The following GALNTL6 variants were observed in gnomAD, a reference collection of about 807,000 sequenced individuals.
The protein encoded by GALNTL6 is polypeptide N-acetylgalactosaminyltransferase like 6.
Under a neutral mutation model 73.7 loss-of-function variants are expected in GALNTL6, and 46 were observed. That is an observed-to-expected ratio of 0.62 (90% CI 0.49 to 0.80). The LOEUF is 0.80. GALNTL6 is among the 30% of genes least tolerant of loss of function. The pLI, the probability that GALNTL6 is intolerant of heterozygous loss-of-function variation, is 0.00. For missense variants in GALNTL6, 604 were observed against 755.0 expected (o/e 0.80, Z 2.34); for synonymous variants, 259 against 263.7 (o/e 0.98, Z 0.17).
intron 3 of GALNTL6, among the ~76,000 whole-genome samples, chr4:172,293,287 A>G (rs762398534): frequency 3.7e-4 from 57 of 152,104 alleles, no homozygotes; most frequent in Non-Finnish European, 5.6e-4. Flanking sequence ...TACTTAGTGA[A>G]TAAGAATTCA....
chr4:171,874,432 T>A (rs1006861070), intron 2 of GALNTL6, among the ~76,000 whole-genome samples: 1 of 152,112 alleles, frequency 6.6e-6, no homozygotes, highest in Non-Finnish European at 1.5e-5. Context: ...TCAAATGACC[T>A]GTCCATCTCG....
At chr4:172,715,984 G>T (rs1422579935) in intron 5 of GALNTL6, among the ~76,000 whole-genome samples, 1 of 152,206 alleles carries the variant, frequency 6.6e-6, no homozygotes, top group Non-Finnish European at 1.5e-5. Flanking sequence ...CTGGCGTTCA[G>T]ATGCTGTGAA....
chr4:172,748,178 A>G (rs1420611255), intron 5 of GALNTL6, among the ~76,000 whole-genome samples: 1 of 152,218 alleles, frequency 6.6e-6, no homozygotes, highest in African/African-American at 2.4e-5. Flanking sequence ...AACAAGTAAG[A>G]TAATTATTAC....
chr4:172,206,120 A>G (rs1736102260), intron 2 of GALNTL6, among the ~76,000 whole-genome samples: 1 of 152,192 alleles, frequency 6.6e-6, no homozygotes, highest in Non-Finnish European at 1.5e-5. Context: ...AATAAAATGA[A>G]CTAATTTCTA....
intron 5 of GALNTL6, among the ~76,000 whole-genome samples, chr4:172,394,940 A>G (rs1264476929): frequency 6.6e-6 from 1 of 152,130 alleles, no homozygotes; most frequent in African/African-American, 2.4e-5. Flanking sequence ...TATTAAGTTT[A>G]CTCATCAGCT....
chr4:171,837,634 A>G (rs1473916940), intron 2 of GALNTL6, among the ~76,000 whole-genome samples: 1 of 147,200 alleles, frequency 6.8e-6, no homozygotes, highest in Non-Finnish European at 1.5e-5. Context: ...GTATATATTT[A>G]TATAATATAT....
chr4:171,820,917 A>G (rs916915869), intron 2 of GALNTL6, among the ~76,000 whole-genome samples: 1 of 152,200 alleles, frequency 6.6e-6, no homozygotes, highest in African/African-American at 2.4e-5. Context: ...AATACTTGAA[A>G]TCTAGAAATC....
At chr4:172,560,145 T>G (rs1341467819) in intron 5 of GALNTL6, among the ~76,000 whole-genome samples, 2 of 152,124 alleles carry the variant, frequency 1.3e-5, no homozygotes, top group East Asian at 1.9e-4. Context: ...TCTTAAGAGA[T>G]AGTTCTTGCA....
chr4:172,793,781 G>A (rs1174023064), intron 5 of GALNTL6, among the ~76,000 whole-genome samples: 1 of 152,176 alleles, frequency 6.6e-6, no homozygotes, highest in Non-Finnish European at 1.5e-5. Flanking sequence ...TGCCTTGGAA[G>A]ATGCTTGGCA....
rs1198496980 is a variant in GALNTL6, at chr4:172,229,754, T to C, written c.237T>C (p.Ala79=). ...ACTATGAAAGCATTCAGAAAGAGGC[T>C]ATGCGCTCAGGTATGAAGCTCAGTG... ...WHDYESIQKE[A]MRSGKGEHGK... Residue 79 remains alanine (A), a synonymous_variant, in exon 3 of 13, where the codon GCT becomes GCC. Coordinates refer to ENST00000506823, the MANE Select transcript of GALNTL6 (RefSeq NM_001034845.3). The C allele has an allele frequency of 6.2e-7, 1 of 1,607,832 alleles. No individual in the cohort carries two copies. Among genetic ancestry groups the C allele is most frequent in the Non-Finnish European group, 8.5e-7 (1 of 1,174,498 alleles).
intron 2 of GALNTL6, among the ~76,000 whole-genome samples, chr4:172,201,499 C>A (rs903913563): frequency 2.6e-5 from 4 of 150,954 alleles, no homozygotes; most frequent in African/African-American, 9.7e-5. Flanking sequence ...GCCACGGCAC[C>A]GGGACTAGTT....
intron 5 of GALNTL6, among the ~76,000 whole-genome samples, chr4:172,381,322 T>G (rs1272275645): frequency 6.6e-6 from 1 of 152,098 alleles, no homozygotes; most frequent in African/African-American, 2.4e-5. Context: ...AATTCAGTGG[T>G]TTTTAGAATA....
intron 2 of GALNTL6, among the ~76,000 whole-genome samples, chr4:172,021,366 C>A (rs537379950): frequency 6.6e-6 from 1 of 152,046 alleles, no homozygotes; most frequent in Admixed American, 6.6e-5. Context: ...ATGATACAAT[C>A]TTATATTTGG....
chr4:172,215,891 C>T (rs187680028), intron 2 of GALNTL6, among the ~76,000 whole-genome samples: 9 of 152,146 alleles, frequency 5.9e-5, no homozygotes, highest in East Asian at 3.9e-4. Context: ...AATAGTTACT[C>T]GAGTTTGCAT....
intron 2 of GALNTL6, among the ~76,000 whole-genome samples, chr4:172,121,575 G>A (rs939879431): frequency 2.0e-5 from 3 of 152,014 alleles, no homozygotes; most frequent in African/African-American, 7.2e-5. Flanking sequence ...TGTCCTGGTT[G>A]GTCTGGTCTG....
At chr4:172,306,381 T>C (rs905816332) in intron 3 of GALNTL6, among the ~76,000 whole-genome samples, 1 of 152,068 alleles carries the variant, frequency 6.6e-6, no homozygotes, top group East Asian at 1.9e-4. Context: ...AGAGCAAGAT[T>C]CCATCTCCAA....
chr4:172,533,728 G>A (rs1735249200), intron 5 of GALNTL6, among the ~76,000 whole-genome samples: 1 of 152,132 alleles, frequency 6.6e-6, no homozygotes. Context: ...GTCATCAGGT[G>A]CCTGGTTGAA....
intron 5 of GALNTL6, among the ~76,000 whole-genome samples, chr4:172,586,426 A>G (rs1184879501): frequency 2.6e-5 from 4 of 151,240 alleles, no homozygotes; most frequent in Non-Finnish European, 5.9e-5. Flanking sequence ...ACAGTTTATG[A>G]TTTATTGCCA....
intron 4 of GALNTL6, among the ~76,000 whole-genome samples, chr4:172,339,313 A>ACACACG (rs1554015266): frequency 1.4e-5 from 2 of 142,286 alleles, no homozygotes; most frequent in African/African-American, 5.2e-5. Flanking sequence ...ACACACACAC[A>ACACACG]CAGAGTTTCC....
Sources: allele counts gnomAD v4.1 joint callset (sites outside exome capture counted in the v4.1 genomes callset), GRCh38; gene constraint gnomAD v4.1.1; transcripts MANE v1.5; gene names NCBI Gene and HGNC (gene_info 2026-07-23, HGNC 2026-07-21).